The following ADAMTSL1 variants were observed in gnomAD, a reference collection of about 807,000 sequenced individuals.
The protein encoded by ADAMTSL1 is ADAMTS-like protein 1.
A neutral mutation model predicts 201.8 loss-of-function variants in ADAMTSL1; 126 were observed. The ratio of observed to expected loss-of-function variants is 0.62; its 90% confidence interval spans 0.54 to 0.72. The LOEUF (loss-of-function observed/expected upper bound fraction) is 0.72. ADAMTSL1 is among the 30% of genes least tolerant of loss of function. The pLI is 0.00. For missense variants in ADAMTSL1, 2,679 were observed against 2,277.8 expected, an observed-to-expected ratio of 1.18 and a Z score of -3.59; for synonymous variants, 1,121 against 903.4, an observed-to-expected ratio of 1.24 and a Z score of -4.32.
intron 23 of ADAMTSL1, among the ~76,000 whole-genome samples, chr9:18,872,800 C>G (rs72692451): frequency 0.014 from 2,074 of 152,240 alleles, 40 homozygotes; most frequent in South Asian, 0.078. Flanking sequence ...TATAAACATG[C>G]ATGTGCAAGT....
intron 2 of ADAMTSL1, among the ~76,000 whole-genome samples, chr9:18,509,641 C>T (rs1377433980): frequency 6.6e-6 from 1 of 152,184 alleles, no homozygotes; most frequent in Non-Finnish European, 1.5e-5. Flanking sequence ...TAGGCAAGTT[C>T]TCATAGTGAT....
chr9:17,945,617 C>G (rs1387879286), intron 1 of ADAMTSL1, among the ~76,000 whole-genome samples: 1 of 152,112 alleles, frequency 6.6e-6, no homozygotes, highest in Non-Finnish European at 1.5e-5. Flanking sequence ...ACATATACAC[C>G]ATGGAATACT....
intron 15 of ADAMTSL1, among the ~76,000 whole-genome samples, chr9:18,743,020 CTT>C (rs896388760): frequency 1.2e-4 from 19 of 152,244 alleles, no homozygotes; most frequent in Non-Finnish European, 2.6e-4. Context: ...GTAAAAATAA[CTT>C]TGCAGATCAT....
At chr9:18,880,433 T>A (rs1828454141) in intron 23 of ADAMTSL1, among the ~76,000 whole-genome samples, 1 of 152,204 alleles carries the variant, frequency 6.6e-6, no homozygotes, top group African/African-American at 2.4e-5. Context: ...GCAGAATGGA[T>A]GTTATGTTCG....
At chr9:18,655,601 A>G (rs996509559) in intron 7 of ADAMTSL1, among the ~76,000 whole-genome samples, 11 of 152,040 alleles carry the variant, frequency 7.2e-5, no homozygotes, top group Non-Finnish European at 1.3e-4. Context: ...TCAGGTTAAC[A>G]TTCCAAAAAG....
chr9:18,377,368 A>G (rs1289876177), intron 2 of ADAMTSL1, among the ~76,000 whole-genome samples: 2 of 152,346 alleles, frequency 1.3e-5, no homozygotes, highest in South Asian at 2.1e-4. Context: ...ATTCTTTCTG[A>G]TAGTAGAATT....
chr9:18,567,262 C>G (rs1433732664), intron 3 of ADAMTSL1, among the ~76,000 whole-genome samples: 1 of 152,004 alleles, frequency 6.6e-6, no homozygotes, highest in Non-Finnish European at 1.5e-5. Flanking sequence ...GTCAGGAGTT[C>G]AAGACCAGTC....
Position 18,635,948 on chromosome 9 carries a change from G to A in ADAMTSL1, c.607G>A (p.Asp203Asn), listed in dbSNP as rs267602192. 3 of 1,599,716 alleles carry A rather than the reference G, an allele frequency of 1.9e-6. No homozygotes were observed. The highest frequency in any genetic ancestry group is 2.5e-6 in the Non-Finnish European group (3 of 1,176,634). ...TTTGCTTTGTTTCTCTCTAGCGGAT[G>A]ATACTGTGGTTGCAATTCCCTATGG... is the stretch of plus-strand genomic sequence containing the variant. ...KSQLSATKSD[D>N]TVVAIPYGSR... Residue 203 changes from aspartate (D) to asparagine (N), a missense_variant, in exon 6 of 29, where the codon GAT becomes AAT. Asp to Asn is a conservative substitution (Grantham distance 23, BLOSUM62 1). Transcript: ENST00000380548.
chr9:18,528,065 A>C (rs1197476802), intron 2 of ADAMTSL1, among the ~76,000 whole-genome samples: 1 of 151,972 alleles, frequency 6.6e-6, no homozygotes, highest in Non-Finnish European at 1.5e-5. Flanking sequence ...TTTATTAGAG[A>C]CGGGGTTTCA....
intron 1 of ADAMTSL1, among the ~76,000 whole-genome samples, chr9:17,935,819 C>T (rs1826983424): frequency 6.6e-6 from 1 of 152,188 alleles, no homozygotes; most frequent in African/African-American, 2.4e-5. Flanking sequence ...CTGCTTTTAT[C>T]TACCTTCAGT....
intron 1 of ADAMTSL1, among the ~76,000 whole-genome samples, chr9:17,979,587 T>C (rs923074864): frequency 5.3e-5 from 8 of 152,076 alleles, no homozygotes; most frequent in African/African-American, 1.9e-4. Context: ...GTATTGGTAC[T>C]GAACTTTCTT....
chr9:18,723,513 C>G (rs1310246495), intron 15 of ADAMTSL1: 2 of 175,348 alleles, frequency 1.1e-5, no homozygotes, highest in Admixed American at 1.1e-4. Flanking sequence ...GTTTAAGTTA[C>G]AAAAGGTTAG....
chr9:17,962,110 ACTCACATGT>A (rs1315384334), intron 1 of ADAMTSL1, among the ~76,000 whole-genome samples: 14 of 152,112 alleles, frequency 9.2e-5, no homozygotes, highest in African/African-American at 3.1e-4. Flanking sequence ...TGGAGATTGG[ACTCACATGT>A]CCTAATTCCA....
At chr9:17,937,301 A>G (rs1827049400) in intron 1 of ADAMTSL1, among the ~76,000 whole-genome samples, 2 of 152,046 alleles carry the variant, frequency 1.3e-5, no homozygotes, top group Admixed American at 6.6e-5. Flanking sequence ...CTTTATCTGC[A>G]TTTTTGGAAG....
intron 2 of ADAMTSL1, among the ~76,000 whole-genome samples, chr9:18,460,082 G>T (rs1820751991): frequency 6.6e-6 from 1 of 152,042 alleles, no homozygotes; most frequent in South Asian, 2.1e-4. Flanking sequence ...AGAAAAAGTG[G>T]GAAAACTGTT....
intron 2 of ADAMTSL1, among the ~76,000 whole-genome samples, chr9:18,424,300 A>G (rs1380617792): frequency 6.6e-6 from 1 of 152,178 alleles, no homozygotes; most frequent in Admixed American, 6.5e-5. Context: ...ATGCTGTAAG[A>G]GAAGTTGTGC....
intron 21 of ADAMTSL1, 95 bp downstream of exon 21, chr9:18,817,332 G>A (rs191965955): frequency 6.9e-6 from 9 of 1,299,410 alleles, no homozygotes; most frequent in South Asian, 1.5e-5. Context: ...TACTCTCAGG[G>A]ATATAGTGCT....
chr9:18,883,214 T>A (rs1217349155), intron 23 of ADAMTSL1, among the ~76,000 whole-genome samples: 1 of 152,212 alleles, frequency 6.6e-6, no homozygotes, highest in Non-Finnish European at 1.5e-5. Context: ...TTGTTCTTAC[T>A]GATCTTACTT....
chr9:18,242,088 G>T (rs958506727), intron 2 of ADAMTSL1, among the ~76,000 whole-genome samples: 3 of 152,064 alleles, frequency 2.0e-5, no homozygotes, highest in African/African-American at 7.2e-5. Flanking sequence ...ATTCTCTGAT[G>T]AACATTAATG....
Sources: allele counts gnomAD v4.1 joint callset (sites outside exome capture counted in the v4.1 genomes callset), GRCh38; gene constraint gnomAD v4.1.1; transcripts MANE v1.5; gene names NCBI Gene and HGNC (gene_info 2026-07-23, HGNC 2026-07-21).